RGS5: variants seen among roughly 807,000 people sequenced by gnomAD.
RGS5 encodes regulator of G-protein signalling 5.
A neutral mutation model predicts 18.9 loss-of-function variants in RGS5; 20 were observed. The observed-to-expected ratio is 1.06, with a 90% CI of 0.74 to 1.54. RGS5 has a LOEUF of 1.54. RGS5 is among the 40% of genes most tolerant of loss of function. The pLI is 0.00. For missense variants in RGS5, 201 were observed against 211.8 expected (o/e 0.95, Z 0.32); for synonymous variants, 57 against 76.2 (o/e 0.75, Z 1.31).
chr1:163,264,507 G>A (rs1182532711), intron 2 of RGS5, among the ~76,000 whole-genome samples: 2 of 152,098 alleles, frequency 1.3e-5, no homozygotes, highest in Non-Finnish European at 2.9e-5. Context: ...TCATCCTTGA[G>A]CATTCTAGTG....
At chr1:163,319,781 C>T (rs2136241) in intron 1 of RGS5, among the ~76,000 whole-genome samples, 81,116 of 151,862 alleles carry the variant, frequency 0.53, 21,690 homozygotes, top group East Asian at 0.56. Flanking sequence ...TGTGAGGGTA[C>T]AAAATTATGA....
At chr1:163,303,093 A>C (rs1335258153) in intron 2 of RGS5, among the ~76,000 whole-genome samples, 1 of 152,236 alleles carries the variant, frequency 6.6e-6, no homozygotes, top group Admixed American at 6.5e-5. Flanking sequence ...ACACATAGTT[A>C]AATTTTAATT....
intron 1 of RGS5, among the ~76,000 whole-genome samples, chr1:163,173,098 T>C (rs893618774): frequency 6.6e-6 from 1 of 152,222 alleles, no homozygotes; most frequent in Non-Finnish European, 1.5e-5. Flanking sequence ...CCAGAGAAGA[T>C]AATTTTCTAA....
chr1:163,156,903 G>T (rs1657603817), intron 3 of RGS5, among the ~76,000 whole-genome samples: 1 of 152,130 alleles, frequency 6.6e-6, no homozygotes, highest in African/African-American at 2.4e-5. Context: ...GGCACATGAT[G>T]AGTAATAAGT....
chr1:163,267,610 A>G (rs1648602758), intron 2 of RGS5, among the ~76,000 whole-genome samples: 1 of 152,150 alleles, frequency 6.6e-6, no homozygotes, highest in Admixed American at 6.6e-5. Flanking sequence ...CTCACAATCT[A>G]TATACCACAC....
intron 1 of RGS5, among the ~76,000 whole-genome samples, chr1:163,317,171 G>C (rs1449527602): frequency 6.6e-6 from 1 of 152,130 alleles, no homozygotes; most frequent in African/African-American, 2.4e-5. Flanking sequence ...TGAATCACCA[G>C]TTACCTCCCA....
At chr1:163,205,331 T>A (rs1371366913), upstream of RGS5, among the ~76,000 whole-genome samples, 1 of 144,830 alleles carries the variant, frequency 6.9e-6, no homozygotes, top group Non-Finnish European at 1.5e-5. Context: ...GTGTTACGTG[T>A]TTTTTAACCA....
intron 1 of RGS5, among the ~76,000 whole-genome samples, chr1:163,180,746 G>A (rs928764175): frequency 7.6e-6 from 1 of 130,814 alleles, no homozygotes; most frequent in African/African-American, 3.0e-5. Flanking sequence ...CCAGGCTGGA[G>A]TGCAGTGGTG....
rs1657005426 is a variant in RGS5, at chr1:163,143,512, G to C, written c.*3830C>G. On this transcript the variant is annotated 3_prime_UTR_variant, in exon 5 of 5. Transcript: ENST00000313961. ...TTACATCTAGCTGCATTGCAAGTCA[G>C]AAAATACCTTCCTGCAAATATGGAA... 1 of 152,146 alleles carries C rather than the reference G, an allele frequency of 6.6e-6. No homozygotes were observed. Among genetic ancestry groups the C allele is most frequent in the Admixed American group, 6.6e-5 (1 of 15,258 alleles). 9.4% of individuals were successfully genotyped at this position (152,146 alleles called of 1,614,324 possible). A position where few individuals can be genotyped will look rare whatever the true frequency, so the allele number is the denominator to read the frequency against.
chr1:163,270,792 C>T (rs1189071379), intron 2 of RGS5, among the ~76,000 whole-genome samples: 1 of 152,100 alleles, frequency 6.6e-6, no homozygotes, highest in Non-Finnish European at 1.5e-5. Flanking sequence ...ATCTAAATTT[C>T]CCATGAACTT....
Position 163,144,296 on chromosome 1 carries a change from T to C in RGS5, c.*3046A>G, listed in dbSNP as rs1205240273. 6.6e-6 allele frequency: 1 copy of C among 152,164 alleles called. No homozygotes were observed. Among genetic ancestry groups the C allele is most frequent in the Non-Finnish European group, 1.5e-5 (1 of 68,022 alleles). 9.4% of individuals were successfully genotyped at this position (152,164 alleles called of 1,614,324 possible). A position where few individuals can be genotyped will look rare whatever the true frequency, so the allele number is the denominator to read the frequency against. On this transcript the variant is annotated 3_prime_UTR_variant, in exon 5 of 5. Transcript: ENST00000313961. ...TTCACACTGCTTTAACAAATAAACA[T>C]GGAACATACGTCCTTAATTAACTGT... is the stretch of plus-strand genomic sequence containing the variant.
intron 1 of RGS5, among the ~76,000 whole-genome samples, chr1:163,307,830 T>G (rs1205961683): frequency 6.6e-6 from 1 of 152,196 alleles, no homozygotes; most frequent in East Asian, 1.9e-4. Context: ...TCATTTAAAC[T>G]TCACCACAGC....
chr1:163,159,224 C>T (rs567873429), intron 3 of RGS5, among the ~76,000 whole-genome samples: 6 of 152,120 alleles, frequency 3.9e-5, no homozygotes, highest in South Asian at 4.2e-4. Flanking sequence ...CACAGGGTCC[C>T]GAGGTGACAT....
intron 2 of RGS5, among the ~76,000 whole-genome samples, chr1:163,271,021 A>G (rs1648704712): frequency 6.6e-6 from 1 of 152,104 alleles, no homozygotes; most frequent in Non-Finnish European, 1.5e-5. Flanking sequence ...TTTTTAGTAG[A>G]GTTATAGTTT....
rs1657113672 is a variant in RGS5 at position 163,146,003 on chromosome 1, C to T, written c.*1339G>A. 1 of 152,122 alleles carries T rather than the reference C, an allele frequency of 6.6e-6. No homozygotes were observed. The highest frequency in any genetic ancestry group is 1.5e-5 in the Non-Finnish European group (1 of 68,014). 9.4% of individuals were successfully genotyped at this position (152,122 alleles called of 1,614,324 possible). A position where few individuals can be genotyped will look rare whatever the true frequency, so the allele number is the denominator to read the frequency against. ...TACATGGCTTAGTTTGATTCTGTTA[C>T]TAAATTCTGTGAATCATTATTTAAT... On this transcript the variant is annotated 3_prime_UTR_variant, in exon 5 of 5. Transcript: ENST00000313961.
At chr1:163,320,581 G>T (rs1650166890) in intron 1 of RGS5, among the ~76,000 whole-genome samples, 1 of 152,158 alleles carries the variant, frequency 6.6e-6, no homozygotes. Context: ...AATTATGCAT[G>T]TATCAGTAAT....
intron 2 of RGS5, among the ~76,000 whole-genome samples, chr1:163,265,066 G>A (rs1648542708): frequency 6.6e-6 from 1 of 152,076 alleles, no homozygotes; most frequent in African/African-American, 2.4e-5. Context: ...CTCCAACTCA[G>A]TAGTATGTCC....
intron 2 of RGS5, among the ~76,000 whole-genome samples, chr1:163,249,212 C>G (rs930695450): frequency 1.3e-5 from 2 of 152,136 alleles, no homozygotes; most frequent in African/African-American, 4.8e-5. Context: ...ATTATCTTCT[C>G]TATGAGGAGT....
At position 163,144,788 on chromosome 1, in the gene RGS5, T is replaced by G. The variant is rs144471592; in HGVS notation, c.*2554A>C. ...ACTAGTAACACTGGATTTTTTTCCC[T>G]CTTTTCTAAGTTTCCAAAAACTTTC... On this transcript the variant is annotated 3_prime_UTR_variant, in exon 5 of 5. Coordinates refer to ENST00000313961, the MANE Select transcript of RGS5 (RefSeq NM_003617.4). 1 of 152,628 alleles carries G rather than the reference T, an allele frequency of 6.6e-6. No individual in the cohort carries two copies. Among genetic ancestry groups the G allele is most frequent in the Non-Finnish European group, 1.5e-5 (1 of 68,024 alleles). 9.5% of individuals were successfully genotyped at this position (152,628 alleles called of 1,614,324 possible).
Sources: gnomAD v4.1 joint callset for allele counts (sites outside exome capture counted in the v4.1 genomes callset) on GRCh38, gnomAD v4.1.1 for gene constraint, MANE v1.5 for transcripts, NCBI Gene and HGNC (gene_info 2026-07-23, HGNC 2026-07-21) for gene names.